LARS2: variants seen among roughly 807,000 people sequenced by gnomAD.
LARS2 encodes leucyl-tRNA synthetase 2, mitochondrial.
Under a neutral mutation model 116.6 loss-of-function variants are expected in LARS2, and 81 were observed. The ratio of observed to expected loss-of-function variants is 0.69; its 90% CI spans 0.58 to 0.84. The LOEUF is 0.84. Ranked by LOEUF, LARS2 falls within the 40% of genes least tolerant of loss-of-function variation. The pLI is 0.00. For missense variants in LARS2, 968 were observed against 1,114.5 expected (o/e 0.87, Z 1.87); for synonymous variants, 396 against 407.2 (o/e 0.97, Z 0.33).
At chr3:45,419,031 G>T (rs1478147371) in intron 5 of LARS2, among the ~76,000 whole-genome samples, 4 of 152,068 alleles carry the variant, frequency 2.6e-5, no homozygotes, top group Non-Finnish European at 5.9e-5. Flanking sequence ...ATTTTTTCAT[G>T]GTTTTTCATA....
In LARS2 at chr3:45,439,657, C is replaced by T. The variant is rs370472955; in HGVS notation, c.517-7234C>T. ...TTTTTTTATGTTTGTTTTGTGAAAA[C>T]GGAGGATTGAATGTAAGGACTAAAG... is the stretch of plus-strand genomic sequence containing the variant. On this transcript the variant is annotated intron_variant, in intron 6 of 21. Coordinates refer to ENST00000645846, the MANE Select transcript of LARS2 (RefSeq NM_015340.4). 5.5e-4 allele frequency among the ~76,000 whole-genome samples: 81 copies of T among 147,338 alleles called. 1 individual carries two copies. The East Asian group carries it at 0.014, about 25-fold the overall frequency.
chr3:45,539,887 T>C (rs185741489), intron 20 of LARS2, among the ~76,000 whole-genome samples: 2,040 of 104,382 alleles, frequency 0.02, 31 homozygotes, highest in African/African-American at 0.049. Flanking sequence ...CAGCATGATC[T>C]TGTGGTGGTG....
intron 7 of LARS2, among the ~76,000 whole-genome samples, chr3:45,456,841 A>G (rs1376293561): frequency 2.0e-5 from 3 of 152,200 alleles, no homozygotes; most frequent in African/African-American, 7.2e-5. Flanking sequence ...CTGCTTCTAT[A>G]TGTAAAATCG....
At chr3:45,484,183 G>T (rs1699754263) in intron 10 of LARS2, among the ~76,000 whole-genome samples, 1 of 151,804 alleles carries the variant, frequency 6.6e-6, no homozygotes. Context: ...AATAAATATA[G>T]ATTTAATTCT....
intron 20 of LARS2, among the ~76,000 whole-genome samples, chr3:45,534,676 A>T (rs1034104129): frequency 3.3e-5 from 5 of 152,172 alleles, no homozygotes; most frequent in Non-Finnish European, 5.9e-5. Flanking sequence ...CTTAAGGGAG[A>T]TGTGAAGTCC....
At chr3:45,538,121 C>A (rs762380497) in intron 20 of LARS2, among the ~76,000 whole-genome samples, 1 of 152,172 alleles carries the variant, frequency 6.6e-6, no homozygotes, top group Admixed American at 6.5e-5. Flanking sequence ...AGCAAGGAGG[C>A]GAAAACGCTA....
chr3:45,490,718 C>T (rs1281763716), intron 12 of LARS2, among the ~76,000 whole-genome samples: 2 of 152,210 alleles, frequency 1.3e-5, no homozygotes, highest in Non-Finnish European at 2.9e-5. Context: ...ATGGCTAGCA[C>T]GAGCCCAGCA....
intron 6 of LARS2, among the ~76,000 whole-genome samples, chr3:45,446,497 T>C (rs1699021228): frequency 6.6e-6 from 1 of 152,244 alleles, no homozygotes; most frequent in Non-Finnish European, 1.5e-5. Context: ...ATATTCCTCA[T>C]GAATTTTGTG....
At chr3:45,477,301 G>A (rs1170219515) in intron 10 of LARS2, among the ~76,000 whole-genome samples, 2 of 152,242 alleles carry the variant, frequency 1.3e-5, no homozygotes, top group African/African-American at 4.8e-5. Flanking sequence ...AGGAACAGCT[G>A]AAGAGGCAGT....
chr3:45,484,630 A>AAAAAAATAT (rs1553634443), intron 10 of LARS2, among the ~76,000 whole-genome samples: 2 of 9,746 alleles, frequency 2.1e-4, no homozygotes, highest in African/African-American at 3.5e-4. Context: ...AAAAAAAAAA[A>AAAAAAATAT]ATATATATAT....
At chr3:45,520,387 AC>A in intron 19 of LARS2, 91 bp downstream of exon 19, 1 of 832,622 alleles carries the variant, frequency 1.2e-6, no homozygotes, top group Non-Finnish European at 2.0e-6. Context: ...GACAGAGAGC[AC>A]CCCCACTGTG....
intron 6 of LARS2, among the ~76,000 whole-genome samples, chr3:45,439,246 G>A (rs1375211592): frequency 1.0e-5 from 1 of 99,468 alleles, no homozygotes; most frequent in African/African-American, 4.0e-5. Flanking sequence ...TTTTGAGACA[G>A]TGTCTCACTC....
chr3:45,486,571 C>G (rs995763026), intron 11 of LARS2, among the ~76,000 whole-genome samples: 13 of 152,180 alleles, frequency 8.5e-5, no homozygotes, highest in African/African-American at 3.1e-4. Flanking sequence ...ACACTATTTC[C>G]TAGCACACAG....
chr3:45,487,096 T>C lies in LARS2; in HGVS notation c.1123+1300T>C, dbSNP rs180842355. Reference sequence around the variant, plus strand: ...CTGTTAGAAATAGTTCACATTCAACTGAGCACAACATGACTACCACCATGG... The same window carrying C: ...CTGTTAGAAATAGTTCACATTCAACCGAGCACAACATGACTACCACCATGG... On this transcript the variant is annotated intron_variant, in intron 11 of 21. Coordinates refer to ENST00000645846, the MANE Select transcript of LARS2 (RefSeq NM_015340.4). Among the ~76,000 whole-genome samples the C allele has an allele frequency of 8.5e-5, 13 of 152,354 alleles. No individual in the cohort carries two copies. In the East Asian group the frequency reaches 2.5e-3, roughly 29 times the overall value.
intron 6 of LARS2, among the ~76,000 whole-genome samples, chr3:45,434,964 T>C (rs1698775516): frequency 6.6e-6 from 1 of 152,192 alleles, no homozygotes; most frequent in South Asian, 2.1e-4. Flanking sequence ...AATTGTTCTA[T>C]TTTTCTAGAA....
chr3:45,539,869 T>C (rs1211737319), intron 20 of LARS2, among the ~76,000 whole-genome samples: 4 of 141,158 alleles, frequency 2.8e-5, no homozygotes, highest in Admixed American at 7.5e-5. Context: ...CATACAAAAC[T>C]GTATTTACAG....
At chr3:45,403,971 A>G (rs1380511257) in intron 4 of LARS2, among the ~76,000 whole-genome samples, 1 of 152,220 alleles carries the variant, frequency 6.6e-6, no homozygotes, top group Non-Finnish European at 1.5e-5. Flanking sequence ...TAGTGCTTGT[A>G]TCTGGCACAT....
At chr3:45,458,990 G>C (rs1381360216) in intron 8 of LARS2, 104 bp downstream of exon 8, 5 of 1,150,970 alleles carry the variant, frequency 4.3e-6, no homozygotes, top group Non-Finnish European at 6.4e-6. Flanking sequence ...TTGAGCTCTA[G>C]GAAGGGCTGG....
intron 4 of LARS2, among the ~76,000 whole-genome samples, chr3:45,415,854 A>AT (rs1553627798): frequency 9.8e-6 from 1 of 102,508 alleles, no homozygotes; most frequent in African/African-American, 5.4e-5. Flanking sequence ...TCTCAAAAAA[A>AT]AAAAAAATAT....
Sources: allele counts gnomAD v4.1 joint callset (sites outside exome capture counted in the v4.1 genomes callset), GRCh38; gene constraint gnomAD v4.1.1; transcripts MANE v1.5; gene names NCBI Gene and HGNC (gene_info 2026-07-23, HGNC 2026-07-21).